The following DRC11 variants were observed in gnomAD, a reference collection of about 807,000 sequenced individuals.
DRC11 encodes IQ and AAA domain-containing protein 1.
the DRC11 span, among the ~76,000 whole-genome samples, chr2:236,369,903 G>A: frequency 6.6e-6 from 1 of 152,170 alleles, no homozygotes; most frequent in East Asian, 1.9e-4. This position sits in a 1 kb window ranked among gnomAD's most constrained non-coding sequence, Gnocchi z 4.5. Flanking sequence ...GATAGAGGGC[G>A]TGAAAATGCC....
chr2:236,381,236 C>G, the DRC11 span, among the ~76,000 whole-genome samples: 1 of 152,152 alleles, frequency 6.6e-6, no homozygotes, highest in Admixed American at 6.5e-5. This position sits in a 1 kb window ranked among gnomAD's most constrained non-coding sequence, Gnocchi z 5.8. Flanking sequence ...ACTTCGAGTC[C>G]GCTGGTGTCT....
the DRC11 span, among the ~76,000 whole-genome samples, chr2:236,356,612 TG>T: frequency 4.6e-5 from 7 of 152,074 alleles, no homozygotes; most frequent in Admixed American, 6.5e-5. Context: ...ATCTGTAAAA[TG>T]GGCACGTTAA....
At chr2:236,452,207 A>T in the DRC11 span, among the ~76,000 whole-genome samples, 2 of 152,348 alleles carry the variant, frequency 1.3e-5, no homozygotes, top group East Asian at 1.9e-4. This position sits in a 1 kb window ranked among gnomAD's most constrained non-coding sequence, Gnocchi z 4.7. Flanking sequence ...TTAAAAATTT[A>T]TGCATATTGT....
At chr2:236,449,016 C>T in the DRC11 span, among the ~76,000 whole-genome samples, 8 of 151,760 alleles carry the variant, frequency 5.3e-5, no homozygotes, top group South Asian at 2.1e-4. This position sits in a 1 kb window ranked among gnomAD's most constrained non-coding sequence, Gnocchi z 5.1. Context: ...CGTGCCACCA[C>T]GCCTGGCAAA....
the DRC11 span, among the ~76,000 whole-genome samples, chr2:236,355,367 G>T: frequency 6.6e-6 from 1 of 152,316 alleles, no homozygotes; most frequent in African/African-American, 2.4e-5. Flanking sequence ...CTTTTGCCAG[G>T]AACCGAAAAC....
At chr2:236,312,018 T>A in the DRC11 span, among the ~76,000 whole-genome samples, 5 of 152,224 alleles carry the variant, frequency 3.3e-5, no homozygotes, top group Non-Finnish European at 5.9e-5. Flanking sequence ...GCTTTTGTGT[T>A]GTTTTCTATA....
chr2:236,391,267 G>C, the DRC11 span: 1 of 152,248 alleles, frequency 6.6e-6, no homozygotes, highest in Non-Finnish European at 1.5e-5. This position sits in a 1 kb window ranked among gnomAD's most constrained non-coding sequence, Gnocchi z 4.5. Context: ...AGCAAAAGTA[G>C]TCACAAATGC....
chr2:236,380,888 C>T, the DRC11 span, among the ~76,000 whole-genome samples: 1 of 152,132 alleles, frequency 6.6e-6, no homozygotes, highest in African/African-American at 2.4e-5. The surrounding 1 kb of genome is among the most constrained non-coding windows in gnomAD (Gnocchi z 4.9). Flanking sequence ...GGGCCAAATT[C>T]CAAACAGGGA....
At chr2:236,485,544 T>C in the DRC11 span, among the ~76,000 whole-genome samples, 2 of 152,178 alleles carry the variant, frequency 1.3e-5, no homozygotes, top group Admixed American at 6.5e-5. Flanking sequence ...AAAATTACAA[T>C]GTCCTTTAAT....
the DRC11 span, among the ~76,000 whole-genome samples, chr2:236,333,694 A>G: frequency 9.7e-3 from 1,473 of 152,328 alleles, 104 homozygotes; most frequent in Admixed American, 0.092. The surrounding 1 kb of genome is among the most constrained non-coding windows in gnomAD (Gnocchi z 6.0). Context: ...CTGGCAACCA[A>G]TAACTAACTC....
At chr2:236,326,756 TCC>T in the DRC11 span, among the ~76,000 whole-genome samples, 1 of 152,112 alleles carries the variant, frequency 6.6e-6, no homozygotes. Flanking sequence ...GCACTAGATT[TCC>T]TAAAATGTTT....
chr2:236,339,352 CTTCTG>C, the DRC11 span, among the ~76,000 whole-genome samples: 18 of 152,226 alleles, frequency 1.2e-4, no homozygotes, highest in Non-Finnish European at 1.9e-4. Flanking sequence ...CAAACATTTT[CTTCTG>C]TTCTGTGGGT....
chr2:236,388,266 T>C, the DRC11 span, among the ~76,000 whole-genome samples: 6 of 150,994 alleles, frequency 4.0e-5, no homozygotes, highest in African/African-American at 1.5e-4. Flanking sequence ...TTTTCCAACT[T>C]GGTTCCATTC....
the DRC11 span, among the ~76,000 whole-genome samples, chr2:236,393,117 GA>G: frequency 6.6e-6 from 1 of 152,206 alleles, no homozygotes; most frequent in Non-Finnish European, 1.5e-5. The surrounding 1 kb of genome is among the most constrained non-coding windows in gnomAD (Gnocchi z 4.7). Flanking sequence ...GGGAAGCCAA[GA>G]CTTGTCATTT....
At chr2:236,353,525 GA>G in the DRC11 span, among the ~76,000 whole-genome samples, 66 of 152,270 alleles carry the variant, frequency 4.3e-4, no homozygotes, top group East Asian at 0.013. The surrounding 1 kb of genome is among the most constrained non-coding windows in gnomAD (Gnocchi z 5.0). Flanking sequence ...CTGCCCAGAT[GA>G]CCCCTGGACG....
At chr2:236,312,790 A>G in the DRC11 span, among the ~76,000 whole-genome samples, 3 of 152,066 alleles carry the variant, frequency 2.0e-5, no homozygotes, top group Non-Finnish European at 4.4e-5. Flanking sequence ...AAGGAAAGAT[A>G]AAGCCCTGAT....
At chr2:236,389,533 C>G in the DRC11 span, among the ~76,000 whole-genome samples, 1 of 152,142 alleles carries the variant, frequency 6.6e-6, no homozygotes, top group African/African-American at 2.4e-5. Flanking sequence ...GCGACCGGTG[C>G]GCGCACCCAC....
chr2:236,358,393 A>AATAT, the DRC11 span, among the ~76,000 whole-genome samples: 3 of 136,242 alleles, frequency 2.2e-5, no homozygotes, highest in Non-Finnish European at 4.7e-5. Context: ...ATGATATATG[A>AATAT]ATATCATATA....
At chr2:236,470,892 T>C in the DRC11 span, among the ~76,000 whole-genome samples, 2 of 152,182 alleles carry the variant, frequency 1.3e-5, no homozygotes, top group Admixed American at 6.5e-5. The surrounding 1 kb of genome is among the most constrained non-coding windows in gnomAD (Gnocchi z 5.1). Flanking sequence ...AATTTTAGTA[T>C]ATAAAAAAAT....
Sources: gnomAD v4.1 joint callset for allele counts (sites outside exome capture counted in the v4.1 genomes callset) on GRCh38, gnomAD v4.1.1 for gene constraint, Gnocchi (gnomAD v3.1) non-coding constraint, MANE v1.5 for transcripts, NCBI Gene and HGNC (gene_info 2026-07-23, HGNC 2026-07-21) for gene names.